Variants in GALNT13 observed in about 807,000 individuals in gnomAD.
GALNT13 encodes UDP-GalNAc:polypeptide N-acetylgalactosaminyltransferase 13.
GALNT13 carries 28 observed loss-of-function variants against 64.2 expected under a neutral mutation model. That is an observed-to-expected ratio of 0.44 (90% confidence interval 0.32 to 0.60). GALNT13 has a LOEUF of 0.60. GALNT13 is among the 20% of genes least tolerant of loss of function. The pLI is 0.05. For missense variants in GALNT13, 577 were observed against 669.8 expected, an observed-to-expected ratio of 0.86 and a Z score of 1.53; for synonymous variants, 214 against 224.6, an observed-to-expected ratio of 0.95 and a Z score of 0.42.
At chr2:153,082,755 T>C in the GALNT13 span, among the ~76,000 whole-genome samples, 1 of 145,430 alleles carries the variant, frequency 6.9e-6, no homozygotes, top group African/African-American at 2.5e-5. Flanking sequence ...ATTTATTGAA[T>C]AAATAAAATA....
At chr2:153,103,640 C>T in the GALNT13 span, among the ~76,000 whole-genome samples, 1 of 152,146 alleles carries the variant, frequency 6.6e-6, no homozygotes, top group Admixed American at 6.6e-5. Flanking sequence ...GTCCTTGGAC[C>T]CTGGATGATT....
At chr2:153,436,616 A>G in the GALNT13 span, among the ~76,000 whole-genome samples, 2 of 152,162 alleles carry the variant, frequency 1.3e-5, no homozygotes, top group Non-Finnish European at 2.9e-5. Flanking sequence ...TTATTTGCAT[A>G]GAGGTGTTTG....
chr2:153,391,882 C>T, the GALNT13 span, among the ~76,000 whole-genome samples: 1 of 151,022 alleles, frequency 6.6e-6, no homozygotes, highest in Non-Finnish European at 1.5e-5. Flanking sequence ...ATTTTAAAGC[C>T]ACATGCCGTC....
intron 4 of GALNT13, among the ~76,000 whole-genome samples, chr2:154,140,809 C>T (rs1368941473): frequency 6.6e-6 from 1 of 152,078 alleles, no homozygotes; most frequent in Non-Finnish European, 1.5e-5. Flanking sequence ...AGATTCAGAG[C>T]AAATATGCTC....
chr2:154,028,823 A>G (rs1016788482), intron 3 of GALNT13, among the ~76,000 whole-genome samples: 2 of 152,108 alleles, frequency 1.3e-5, no homozygotes, highest in African/African-American at 2.4e-5. Context: ...GGATAAAAAA[A>G]TAATGGGAAA....
chr2:154,245,889 A>C lies in GALNT13; in HGVS notation c.764A>C (p.Tyr255Ser), dbSNP rs773189247. The change falls in exon 7 of 13, where the codon TAT becomes TCT. Residue 255 changes from tyrosine to serine, a missense_variant. Coordinates refer to ENST00000392825, the MANE Select transcript of GALNT13 (RefSeq NM_052917.4). ...FEYMAGSDMT[Y>S]GGFNWKLNFR... ...TATATGGCTGGGTCAGACATGACTT[A>C]TGGGGGTTTTAACTGGAAACTGAAT... 7.4e-6 allele frequency: 12 copies of C among 1,612,916 alleles called. No individual in the cohort carries two copies. Among genetic ancestry groups the C allele is most frequent in the South Asian group, 1.1e-5 (1 of 91,056 alleles).
chr2:153,554,185 G>A, the GALNT13 span, among the ~76,000 whole-genome samples: 1 of 151,244 alleles, frequency 6.6e-6, no homozygotes, highest in African/African-American at 2.4e-5. Flanking sequence ...AAATTAGCCA[G>A]GCGTGGTGAT....
intron 4 of GALNT13, among the ~76,000 whole-genome samples, chr2:154,209,876 T>G (rs1687671033): frequency 6.6e-6 from 1 of 152,208 alleles, no homozygotes; most frequent in Admixed American, 6.5e-5. Flanking sequence ...CATTTCAAAT[T>G]TAATCTCCTA....
At chr2:153,632,913 C>T in the GALNT13 span, among the ~76,000 whole-genome samples, 1 of 151,858 alleles carries the variant, frequency 6.6e-6, no homozygotes, top group Non-Finnish European at 1.5e-5. Context: ...CCAATACGCC[C>T]AGCTAATTTT....
At chr2:154,049,913 G>A (rs1053212070) in intron 3 of GALNT13, among the ~76,000 whole-genome samples, 1 of 151,854 alleles carries the variant, frequency 6.6e-6, no homozygotes, top group African/African-American at 2.4e-5. Flanking sequence ...TGCTTTTTCT[G>A]TTTGACCAAT....
the GALNT13 span, among the ~76,000 whole-genome samples, chr2:153,785,946 C>T: frequency 6.6e-6 from 1 of 151,802 alleles, no homozygotes; most frequent in African/African-American, 2.4e-5. Flanking sequence ...CCCATGGAGG[C>T]CTGACTTCTA....
the GALNT13 span, among the ~76,000 whole-genome samples, chr2:153,796,549 GTA>G: frequency 3.3e-5 from 5 of 152,130 alleles, no homozygotes; most frequent in South Asian, 4.1e-4. Flanking sequence ...TTACAGTAAA[GTA>G]TAACAAAAAT....
the GALNT13 span, among the ~76,000 whole-genome samples, chr2:153,106,682 G>A: frequency 6.6e-6 from 1 of 152,090 alleles, no homozygotes; most frequent in Admixed American, 6.6e-5. Flanking sequence ...AAAAAATGTA[G>A]GTCTGAGCCT....
chr2:153,142,585 C>T, the GALNT13 span, among the ~76,000 whole-genome samples: 5 of 151,038 alleles, frequency 3.3e-5, no homozygotes, highest in African/African-American at 4.9e-5. Context: ...AGAGAATGAG[C>T]GTGAGAGAGA....
the GALNT13 span, among the ~76,000 whole-genome samples, chr2:153,675,919 A>T: frequency 6.6e-6 from 1 of 152,098 alleles, no homozygotes; most frequent in Non-Finnish European, 1.5e-5. Context: ...AGTTAGAAAG[A>T]TCTCATATTA....
the GALNT13 span, among the ~76,000 whole-genome samples, chr2:153,631,868 A>G: frequency 6.6e-6 from 1 of 152,202 alleles, no homozygotes; most frequent in African/African-American, 2.4e-5. Flanking sequence ...TGTTTTAAAT[A>G]TGAAGTCCTT....
At chr2:154,278,892 T>A (rs1353910867) in intron 8 of GALNT13, among the ~76,000 whole-genome samples, 1 of 152,106 alleles carries the variant, frequency 6.6e-6, no homozygotes, top group African/African-American at 2.4e-5. Context: ...GCAAAGTAAT[T>A]ATTTTGTATT....
chr2:153,402,945 A>G, the GALNT13 span, among the ~76,000 whole-genome samples: 6 of 152,248 alleles, frequency 3.9e-5, no homozygotes, highest in Non-Finnish European at 7.4e-5. Flanking sequence ...GTCATTCTCC[A>G]TCCAGCTTTG....
chr2:153,635,895 T>C, the GALNT13 span, among the ~76,000 whole-genome samples: 1 of 152,148 alleles, frequency 6.6e-6, no homozygotes, highest in East Asian at 1.9e-4. Flanking sequence ...TCAGATGCTT[T>C]GAGGCAGGGG....
Sources: gnomAD v4.1 joint callset for allele counts (sites outside exome capture counted in the v4.1 genomes callset) on GRCh38, gnomAD v4.1.1 for gene constraint, MANE v1.5 for transcripts, NCBI Gene and HGNC (gene_info 2026-07-23, HGNC 2026-07-21) for gene names.